The following ARHGEF26 variants were observed in gnomAD, a reference collection of about 807,000 sequenced individuals.
The protein encoded by ARHGEF26 is Rho guanine nucleotide exchange factor 26, also known as Rho guanine nucleotide exchange factor (GEF) 26.
In ARHGEF26, 59 loss-of-function variants were observed where a neutral mutation model predicts 89.4. The observed-to-expected ratio is 0.66, with a 90% CI of 0.54 to 0.82. ARHGEF26 has a LOEUF of 0.82. Ranked by LOEUF, ARHGEF26 falls within the 40% of genes least tolerant of loss-of-function variation. ARHGEF26 has a pLI of 0.00. For synonymous variants in ARHGEF26, 500 were observed against 428.4 expected, an observed-to-expected ratio of 1.17 and a Z score of -2.06; for missense variants, 1,234 against 1,085.6, an observed-to-expected ratio of 1.14 and a Z score of -1.92.
intron 11 of ARHGEF26, among the ~76,000 whole-genome samples, chr3:154,235,952 T>G (rs904418359): frequency 6.6e-6 from 1 of 152,212 alleles, no homozygotes; most frequent in Non-Finnish European, 1.5e-5. Context: ...TTAAATGTCT[T>G]CCTGATTTCA....
chr3:154,172,121 G>T (rs1467828628), intron 6 of ARHGEF26, among the ~76,000 whole-genome samples: 1 of 152,204 alleles, frequency 6.6e-6, no homozygotes, highest in African/African-American at 2.4e-5. Context: ...GCAAGAAGCA[G>T]GTGCGACCGG....
intron 12 of ARHGEF26, among the ~76,000 whole-genome samples, chr3:154,242,919 C>T (rs190583040): frequency 6.4e-4 from 97 of 152,192 alleles, no homozygotes; most frequent in African/African-American, 2.1e-3. Context: ...TGCTGAAAAG[C>T]GCTGATGGCA....
At chr3:154,134,800 A>G (rs1218362165) in intron 4 of ARHGEF26, among the ~76,000 whole-genome samples, 2 of 151,774 alleles carry the variant, frequency 1.3e-5, no homozygotes, top group East Asian at 3.9e-4. Flanking sequence ...ATCAATGTTG[A>G]ATTTTATCAA....
intron 6 of ARHGEF26, among the ~76,000 whole-genome samples, chr3:154,170,364 AG>A (rs1439140441): frequency 6.6e-6 from 1 of 152,236 alleles, no homozygotes; most frequent in African/African-American, 2.4e-5. Flanking sequence ...CTGTCTCAAA[AG>A]AAAAAGAAAA....
At chr3:154,154,992 ATTC>A (rs1720241844) in intron 6 of ARHGEF26, among the ~76,000 whole-genome samples, 3 of 152,026 alleles carry the variant, frequency 2.0e-5, no homozygotes, top group Admixed American at 2.0e-4. Flanking sequence ...ATACTGCCAA[ATTC>A]TTCTTCAAAG....
intron 9 of ARHGEF26, among the ~76,000 whole-genome samples, chr3:154,214,916 A>G (rs1376710586): frequency 6.6e-6 from 1 of 152,250 alleles, no homozygotes; most frequent in Non-Finnish European, 1.5e-5. Flanking sequence ...ATATGCTGTC[A>G]TTGAAGACAG....
intron 12 of ARHGEF26, among the ~76,000 whole-genome samples, chr3:154,248,609 A>G (rs988027485): frequency 1.9e-4 from 29 of 152,100 alleles, no homozygotes; most frequent in African/African-American, 6.8e-4. Context: ...ACCAACCCCA[A>G]TAGGACAAGA....
rs141092094 is a variant in ARHGEF26 at position 154,141,004 on chromosome 3, C to T, written c.1270-8385C>T. Among the ~76,000 whole-genome samples, 361 of 152,112 alleles carry T rather than the reference C, an allele frequency of 2.4e-3. 3 individuals carry two copies. Among genetic ancestry groups the T allele is most frequent in the African/African-American group, 8.3e-3 (344 of 41,504 alleles). ...TGAGATGGAGTCTTGCTCTGTCGCC[C>T]AGGCTGGAGTGCAGTGGCACAATCT... On this transcript the variant is annotated intron_variant, in intron 4 of 14. Transcript: ENST00000465093.
At chr3:154,154,032 G>A (rs761805764) in intron 6 of ARHGEF26, among the ~76,000 whole-genome samples, 4 of 152,054 alleles carry the variant, frequency 2.6e-5, no homozygotes, top group South Asian at 2.1e-4. Context: ...ATTAAGGATT[G>A]TAAAACAGTG....
chr3:154,220,486 C>A (rs1224842059), intron 10 of ARHGEF26, among the ~76,000 whole-genome samples: 1 of 152,136 alleles, frequency 6.6e-6, no homozygotes, highest in African/African-American at 2.4e-5. Context: ...TGACCTGAAT[C>A]TTGAAAGGTG....
At chr3:154,234,912 CT>C (rs1444220922) in intron 11 of ARHGEF26, among the ~76,000 whole-genome samples, 3 of 152,118 alleles carry the variant, frequency 2.0e-5, no homozygotes, top group African/African-American at 4.8e-5. Context: ...ACTACAGGCG[CT>C]CACCACCGCG....
chr3:154,203,419 T>C (rs1714787727), intron 9 of ARHGEF26, among the ~76,000 whole-genome samples: 1 of 152,178 alleles, frequency 6.6e-6, no homozygotes, highest in African/African-American at 2.4e-5. Context: ...ATTGAGATCT[T>C]ATCATCTGCA....
intron 3 of ARHGEF26, among the ~76,000 whole-genome samples, chr3:154,127,025 TA>T (rs1242254841): frequency 1.3e-5 from 2 of 152,178 alleles, no homozygotes; most frequent in African/African-American, 4.8e-5. Context: ...TATAAAATAT[TA>T]AAAATGGTAC....
At chr3:154,240,621 C>A in intron 12 of ARHGEF26, 42 bp downstream of exon 12, 1 of 1,506,856 alleles carries the variant, frequency 6.6e-7, no homozygotes, top group Non-Finnish European at 8.9e-7. Flanking sequence ...CTGATAGTAT[C>A]TCCCTGACCT....
chr3:154,173,640 AT>A (rs774041996), intron 6 of ARHGEF26, among the ~76,000 whole-genome samples: 1 of 152,250 alleles, frequency 6.6e-6, no homozygotes, highest in Non-Finnish European at 1.5e-5. Flanking sequence ...CTTTATGTTA[AT>A]ATGAGAAACT....
rs747238841 is a variant in ARHGEF26, at chr3:154,217,876, G to C, written c.1853G>C (p.Arg618Pro). Reference protein sequence around the residue: ...RALKEVSKLVRLCNEGARKME... With the variant: ...RALKEVSKLVPLCNEGARKME... ...ACTCTTCTGTGTTCCCAGTTGGTTCGACTATGCAATGAGGGCGCCCGGAAG... is the reference window on the plus strand; with the variant it reads ...ACTCTTCTGTGTTCCCAGTTGGTTCCACTATGCAATGAGGGCGCCCGGAAG... The change falls in exon 10 of 15, where the codon CGA (arginine) becomes CCA (proline). Residue 618 changes from arginine to proline, a missense_variant. Arg to Pro is a moderately radical substitution (Grantham distance 103). Coordinates refer to ENST00000465093, the MANE Select transcript of ARHGEF26 (RefSeq NM_015595.4). 6.3e-7 allele frequency: 1 copy of C among 1,597,504 alleles called. No homozygotes were observed. Among genetic ancestry groups the C allele is most frequent in the Non-Finnish European group, 8.5e-7 (1 of 1,171,580 alleles).
At position 154,144,902 on chromosome 3, in the gene ARHGEF26, A is replaced by G. The variant is rs116025923; in HGVS notation, c.1270-4487A>G. Among the ~76,000 whole-genome samples the G allele has an allele frequency of 5.0e-3, 769 of 152,350 alleles. 5 individuals are homozygous for G. The highest frequency in any genetic ancestry group is 0.017 in the African/African-American group (710 of 41,568). On this transcript the variant is annotated intron_variant, in intron 4 of 14. Coordinates refer to ENST00000465093, the MANE Select transcript of ARHGEF26 (RefSeq NM_015595.4). ...TACCTGATGCATTTTTAAATTAAGC[A>G]TATGATTTTATGATATGTGCTATTA...
At chr3:154,167,861 A>G (rs941814182) in intron 6 of ARHGEF26, among the ~76,000 whole-genome samples, 1 of 152,160 alleles carries the variant, frequency 6.6e-6, no homozygotes, top group Non-Finnish European at 1.5e-5. Flanking sequence ...CTTTTACATC[A>G]TGTCCTTAGG....
chr3:154,129,484 C>A, intron 3 of ARHGEF26, 90 bp from the exon 4 acceptor site: 1 of 1,359,422 alleles, frequency 7.4e-7, no homozygotes, highest in Non-Finnish European at 9.9e-7. Flanking sequence ...AAATTGGAGG[C>A]CAAACATTGG....
Sources: gnomAD v4.1 joint callset for allele counts (sites outside exome capture counted in the v4.1 genomes callset) on GRCh38, gnomAD v4.1.1 for gene constraint, MANE v1.5 for transcripts, NCBI Gene and HGNC (gene_info 2026-07-23, HGNC 2026-07-21) for gene names.